NOL10: variants seen among roughly 807,000 people sequenced by gnomAD.
NOL10 encodes nucleolar protein 10.
In NOL10, 58 loss-of-function variants were observed where a neutral mutation model predicts 103.5. The ratio of observed to expected loss-of-function variants is 0.56; its 90% CI spans 0.45 to 0.70. The LOEUF (loss-of-function observed/expected upper bound fraction) is 0.70, where lower values mean the gene tolerates loss of function less well. Ranked by LOEUF, NOL10 falls within the 30% of genes least tolerant of loss-of-function variation. The pLI is 0.00. For synonymous variants in NOL10, 287 were observed against 282.5 expected (o/e 1.02, Z -0.16); for missense variants, 763 against 807.3 (o/e 0.95, Z 0.67).
At chr2:10,617,003 A>G (rs1188834177) in intron 13 of NOL10, among the ~76,000 whole-genome samples, 1 of 93,920 alleles carries the variant, frequency 1.1e-5, no homozygotes, top group African/African-American at 5.7e-5. Context: ...CTAGATACTC[A>G]GTGACAAAAC....
chr2:10,600,819 G>T (rs773839443), intron 17 of NOL10, 34 bp downstream of exon 17: 1 of 1,350,190 alleles, frequency 7.4e-7, no homozygotes. Context: ...TCAACAAAAC[G>T]CAGAAACAAT....
At chr2:10,610,155 C>T (rs1367232931) in intron 13 of NOL10, among the ~76,000 whole-genome samples, 1 of 152,192 alleles carries the variant, frequency 6.6e-6, no homozygotes, top group Admixed American at 6.5e-5. Flanking sequence ...CAAGGGTACA[C>T]TGTTACCCAA....
At chr2:10,645,244 A>G (rs1052289547) in intron 12 of NOL10, among the ~76,000 whole-genome samples, 1 of 152,228 alleles carries the variant, frequency 6.6e-6, no homozygotes, top group Non-Finnish European at 1.5e-5. Context: ...GCTTTTAAAT[A>G]AAGACTTCTA....
intron 13 of NOL10, among the ~76,000 whole-genome samples, chr2:10,638,891 CT>C (rs1322844666): frequency 7.0e-6 from 1 of 143,378 alleles, no homozygotes; most frequent in African/African-American, 2.6e-5. Flanking sequence ...CACCCTCTGC[CT>C]TCCAGGTTCA....
At chr2:10,605,531 T>C (rs997151376) in intron 14 of NOL10, among the ~76,000 whole-genome samples, 2 of 152,234 alleles carry the variant, frequency 1.3e-5, no homozygotes, top group East Asian at 1.9e-4. Context: ...TCTATTTCTA[T>C]AGTTTTAAAA....
chr2:10,582,929 G>A (rs1199917371), intron 19 of NOL10, among the ~76,000 whole-genome samples: 9 of 152,166 alleles, frequency 5.9e-5, no homozygotes, highest in African/African-American at 1.9e-4. Context: ...GACACTAACT[G>A]TTTACTGTGT....
chr2:10,659,258 G>C lies in NOL10; in HGVS notation c.678-8C>G. Reference sequence around the variant, plus strand: ...GTTGGTAAACTGTTTATCCTGAAAAGCAAAATATTCATGCTTCATGAATAT... The same window carrying C: ...GTTGGTAAACTGTTTATCCTGAAAACCAAAATATTCATGCTTCATGAATAT... On this transcript the variant is annotated splice_region_variant and splice_polypyrimidine_tract_variant and intron_variant, in intron 9 of 20. Transcript: ENST00000381685. The C allele has an allele frequency of 6.9e-7, 1 of 1,450,066 alleles. No individual in the cohort carries two copies. The highest frequency in any genetic ancestry group is 9.3e-7 in the Non-Finnish European group (1 of 1,076,824). The allele number at this position is 1,450,066 out of a possible 1,614,324, so 89.8% of individuals were successfully genotyped here. A position where few individuals can be genotyped will look rare whatever the true frequency, so the allele number is the denominator to read the frequency against.
chr2:10,604,758 G>C (rs753727753), intron 14 of NOL10: 1 of 152,148 alleles, frequency 6.6e-6, no homozygotes, highest in Non-Finnish European at 1.5e-5. Context: ...GTCCTAACCC[G>C]AGAATCGGAT....
chr2:10,576,291 A>G (rs550769590), intron 20 of NOL10, among the ~76,000 whole-genome samples: 176 of 152,326 alleles, frequency 1.2e-3, no homozygotes, highest in Non-Finnish European at 1.8e-3. Flanking sequence ...TGGTGCAGCC[A>G]CTGTCAGAAA....
At chr2:10,573,185 C>T (rs1167506705) in intron 20 of NOL10, among the ~76,000 whole-genome samples, 1 of 151,994 alleles carries the variant, frequency 6.6e-6, no homozygotes. Flanking sequence ...GAACCTGCTT[C>T]TCTGGGATCT....
intron 10 of NOL10, 92 bp downstream of exon 10, chr2:10,659,080 C>G: frequency 1.2e-6 from 1 of 854,738 alleles, no homozygotes; most frequent in South Asian, 1.5e-5. Flanking sequence ...AGTATGATCT[C>G]ATTTTCTGTT....
intron 19 of NOL10, among the ~76,000 whole-genome samples, chr2:10,579,315 T>A (rs1009556892): frequency 2.0e-5 from 3 of 152,186 alleles, no homozygotes; most frequent in Admixed American, 6.5e-5. Flanking sequence ...CCTTTCAACA[T>A]CCCTGAGACA....
In NOL10 at chr2:10,673,568, A is replaced by G. The variant is rs768493494; in HGVS notation, c.290-11T>C. ...TTTCAAAGGTGACAACTGAAAAACA[A>G]GAAATAGGAAAAATACAATTATCAA... On this transcript the variant is annotated splice_polypyrimidine_tract_variant and intron_variant, in intron 4 of 20. Transcript: ENST00000381685. 1 of 1,557,880 alleles carries G rather than the reference A, an allele frequency of 6.4e-7. No individual in the cohort carries two copies. The highest frequency in any genetic ancestry group is 2.3e-5 in the East Asian group (1 of 44,100).
At chr2:10,609,046 G>A (rs558458273) in intron 13 of NOL10, among the ~76,000 whole-genome samples, 3 of 152,058 alleles carry the variant, frequency 2.0e-5, no homozygotes, top group African/African-American at 7.2e-5. Context: ...GCAATTTTAG[G>A]ACAGTAGCTT....
intron 12 of NOL10, among the ~76,000 whole-genome samples, chr2:10,646,520 A>G (rs771609215): frequency 4.6e-5 from 7 of 152,374 alleles, no homozygotes; most frequent in Non-Finnish European, 1.0e-4. Flanking sequence ...GAGGAGGGTC[A>G]GGGCTGAAAG....
At chr2:10,643,084 T>G (rs1678825772) in intron 13 of NOL10, among the ~76,000 whole-genome samples, 1 of 152,176 alleles carries the variant, frequency 6.6e-6, no homozygotes, top group South Asian at 2.1e-4. Context: ...GAATGCAGTA[T>G]CTGCAAGAGT....
chr2:10,635,810 A>C (rs1056788244), intron 13 of NOL10, among the ~76,000 whole-genome samples: 4 of 152,350 alleles, frequency 2.6e-5, no homozygotes, highest in East Asian at 3.9e-4. Context: ...GGTCTCCTAC[A>C]TTTACTTTTA....
At chr2:10,681,454 GTC>G (rs2148362861) in intron 3 of NOL10, among the ~76,000 whole-genome samples, 1 of 152,276 alleles carries the variant, frequency 6.6e-6, no homozygotes, top group South Asian at 2.1e-4. Context: ...AGCAATGGTT[GTC>G]TCTGCATGGG....
intron 17 of NOL10, among the ~76,000 whole-genome samples, chr2:10,598,608 A>T (rs1675819580): frequency 6.6e-6 from 1 of 152,152 alleles, no homozygotes; most frequent in South Asian, 2.1e-4. Flanking sequence ...CTGGCAAAAA[A>T]CTTTACATGA....
Sources: allele counts gnomAD v4.1 joint callset (sites outside exome capture counted in the v4.1 genomes callset), GRCh38; gene constraint gnomAD v4.1.1; transcripts MANE v1.5; gene names NCBI Gene and HGNC (gene_info 2026-07-23, HGNC 2026-07-21).